SLC9A9: variants seen among roughly 807,000 people sequenced by gnomAD.
The protein encoded by SLC9A9 is sodium/hydrogen exchanger 9.
In SLC9A9, 62 loss-of-function variants were observed where a neutral mutation model predicts 77.8. The observed-to-expected ratio is 0.80, with a 90% confidence interval of 0.65 to 0.98. SLC9A9 has a LOEUF of 0.98. SLC9A9 is among the 50% of genes least tolerant of loss of function. SLC9A9 has a pLI of 0.00. For synonymous variants in SLC9A9, 320 were observed against 283.5 expected, an observed-to-expected ratio of 1.13 and a Z score of -1.29; for missense variants, 775 against 774.9, an observed-to-expected ratio of 1.00 and a Z score of 0.00.
At chr3:143,805,793 A>T (rs2008695465) in intron 2 of SLC9A9, among the ~76,000 whole-genome samples, 1 of 152,014 alleles carries the variant, frequency 6.6e-6, no homozygotes, top group Admixed American at 6.5e-5. Flanking sequence ...CCCAAATCCT[A>T]TAAAACGGCC....
intron 8 of SLC9A9, among the ~76,000 whole-genome samples, chr3:143,560,926 A>C (rs1017436349): frequency 6.6e-6 from 1 of 152,220 alleles, no homozygotes; most frequent in Non-Finnish European, 1.5e-5. Flanking sequence ...CACGCCTGTA[A>C]TCCCAGCACT....
intron 10 of SLC9A9, 130 bp from the exon 11 acceptor site, chr3:143,493,894 T>A: frequency 4.2e-6 from 3 of 719,488 alleles, no homozygotes; most frequent in Non-Finnish European, 7.4e-6. Context: ...ACATGTCAAT[T>A]CACATTTGTC....
At chr3:143,338,822 C>T (rs777344584) in intron 14 of SLC9A9, among the ~76,000 whole-genome samples, 6 of 151,944 alleles carry the variant, frequency 3.9e-5, no homozygotes, top group Non-Finnish European at 7.4e-5. Flanking sequence ...AACAGAGATA[C>T]GAAAAGGTTA....
In SLC9A9 at chr3:143,272,466, A is replaced by C. The variant is rs553945778; in HGVS notation, c.1605-3486T>G. Among the ~76,000 whole-genome samples, 19 of 152,350 alleles carry C rather than the reference A, an allele frequency of 1.2e-4. No homozygotes were observed. The South Asian group carries it at 3.9e-3, about 32-fold the overall frequency. On this transcript the variant is annotated intron_variant, in intron 14 of 15. Transcript: ENST00000316549. ...CAATGGAAACTGCTGATTAGTTTAC[A>C]GCAGAGCTAGGCCTGAATTCAGGGG...
intron 9 of SLC9A9, among the ~76,000 whole-genome samples, chr3:143,540,054 GAA>G (rs2036660781): frequency 5.3e-5 from 8 of 152,176 alleles, no homozygotes; most frequent in South Asian, 4.2e-4. Context: ...GTGGGGATGA[GAA>G]AGAAAAATTA....
intron 4 of SLC9A9, among the ~76,000 whole-genome samples, chr3:143,742,129 C>T (rs932502960): frequency 3.7e-4 from 57 of 152,068 alleles, no homozygotes; most frequent in Non-Finnish European, 1.5e-5. Flanking sequence ...CTTGATGGAT[C>T]AGCTGGCACC....
chr3:143,425,597 T>C (rs1042695693), intron 12 of SLC9A9, among the ~76,000 whole-genome samples: 2 of 152,160 alleles, frequency 1.3e-5, no homozygotes, highest in African/African-American at 4.8e-5. Context: ...AAATGAAATA[T>C]AAGGGGCTGT....
chr3:143,297,742 A>G (rs2030339565), intron 14 of SLC9A9, among the ~76,000 whole-genome samples: 1 of 152,138 alleles, frequency 6.6e-6, no homozygotes, highest in Non-Finnish European at 1.5e-5. Flanking sequence ...ATGCCTAAGT[A>G]TTTTTTGATG....
rs148046848 is a variant in SLC9A9, at chr3:143,713,372, T to C, written c.534-20065A>G. The stretch of plus-strand genomic sequence containing the variant: ...AGAAACATGTTAGGTGGGTAAGAGT[T>C]GTAGGGCTGTGTTTGCTGGCTGGGA... On this transcript the variant is annotated intron_variant, in intron 4 of 15. Coordinates refer to ENST00000316549, the MANE Select transcript of SLC9A9 (RefSeq NM_173653.4). Among the ~76,000 whole-genome samples the C allele has an allele frequency of 2.0e-4, 30 of 152,250 alleles. No homozygotes were observed. In the East Asian group the frequency reaches 5.6e-3, roughly 28 times the overall value.
intron 14 of SLC9A9, among the ~76,000 whole-genome samples, chr3:143,327,594 C>G (rs1459438181): frequency 3.3e-5 from 5 of 152,184 alleles, no homozygotes; most frequent in Non-Finnish European, 7.4e-5. Context: ...CACTCCTACT[C>G]TTAGCCCTCT....
intron 12 of SLC9A9, among the ~76,000 whole-genome samples, chr3:143,429,877 C>T (rs1488011715): frequency 6.6e-6 from 1 of 152,124 alleles, no homozygotes; most frequent in African/African-American, 2.4e-5. Context: ...GCCATATAGA[C>T]CAGGAGAGCA....
chr3:143,783,018 C>T (rs1416108377), intron 4 of SLC9A9, among the ~76,000 whole-genome samples: 3 of 152,154 alleles, frequency 2.0e-5, no homozygotes, highest in African/African-American at 7.2e-5. Flanking sequence ...GAGTAGCATC[C>T]AGGTTCAAAC....
intron 8 of SLC9A9, among the ~76,000 whole-genome samples, chr3:143,573,067 T>C (rs2037292990): frequency 6.6e-6 from 1 of 152,214 alleles, no homozygotes; most frequent in African/African-American, 2.4e-5. Flanking sequence ...CTGAGTAAAC[T>C]GGGCATAGTC....
At chr3:143,301,589 G>T (rs767126273) in intron 14 of SLC9A9, among the ~76,000 whole-genome samples, 1 of 152,166 alleles carries the variant, frequency 6.6e-6, no homozygotes, top group African/African-American at 2.4e-5. Context: ...TGAGACAGAC[G>T]CATTCTCCAG....
intron 4 of SLC9A9, 95 bp from the exon 5 acceptor site, chr3:143,693,402 C>T (rs761845508): frequency 9.9e-5 from 99 of 1,001,432 alleles, no homozygotes; most frequent in African/African-American, 2.2e-4. Flanking sequence ...TTCCTGAATA[C>T]GTATCATGCA....
chr3:143,489,759 G>T (rs1024940430), intron 11 of SLC9A9, among the ~76,000 whole-genome samples: 1 of 152,020 alleles, frequency 6.6e-6, no homozygotes, highest in Non-Finnish European at 1.5e-5. Flanking sequence ...AATGGAAGAA[G>T]ATATTTGCAA....
intron 4 of SLC9A9, among the ~76,000 whole-genome samples, chr3:143,744,382 A>G (rs1051530920): frequency 6.6e-6 from 1 of 152,112 alleles, no homozygotes; most frequent in African/African-American, 2.4e-5. Context: ...ACTGACTCTC[A>G]AAGAGGCTCT....
At chr3:143,484,534 T>C (rs1283972288) in intron 11 of SLC9A9, among the ~76,000 whole-genome samples, 1 of 152,230 alleles carries the variant, frequency 6.6e-6, no homozygotes, top group African/African-American at 2.4e-5. Context: ...CATCACCTGA[T>C]ACCTGATGGG....
intron 8 of SLC9A9, among the ~76,000 whole-genome samples, chr3:143,571,158 A>G (rs1354451520): frequency 6.6e-6 from 1 of 152,194 alleles, no homozygotes; most frequent in Non-Finnish European, 1.5e-5. Context: ...CTGAGAAATC[A>G]TTCCATGTTA....
Sources: allele counts gnomAD v4.1 joint callset (sites outside exome capture counted in the v4.1 genomes callset), GRCh38; gene constraint gnomAD v4.1.1; transcripts MANE v1.5; gene names NCBI Gene and HGNC (gene_info 2026-07-23, HGNC 2026-07-21).